The following NKD2 variants were observed in gnomAD, a reference collection of about 807,000 sequenced individuals.
NKD2 encodes the protein protein naked cuticle homolog 2.
Under a neutral mutation model 34.8 loss-of-function variants are expected in NKD2, and 43 were observed. The observed-to-expected ratio is 1.24, with a 90% CI of 0.97 to 1.60. NKD2 has a LOEUF of 1.60. Among genes scored for constraint, NKD2 ranks in the 40% most tolerant of loss-of-function variants. NKD2 has a pLI of 0.00. For missense variants in NKD2, 675 were observed against 627.1 expected, an observed-to-expected ratio of 1.08 and a Z score of -0.82; for synonymous variants, 278 against 265.1, an observed-to-expected ratio of 1.05 and a Z score of -0.47.
Position 1,034,824 on chromosome 5 carries a change from C to G in NKD2, c.495C>G (p.Ser165Arg). 1 of 1,612,836 alleles carries G rather than the reference C, an allele frequency of 6.2e-7. No individual in the cohort carries two copies. Among genetic ancestry groups the G allele is most frequent in the Non-Finnish European group, 8.5e-7 (1 of 1,179,944 alleles). The change falls in exon 7 of 10, where the codon AGC becomes AGG. Residue 165 changes from serine (S) to arginine (R), a missense_variant. Physicochemically the swap from Ser to Arg is moderately radical, Grantham distance 110 (BLOSUM62 -1). Transcript: ENST00000296849. ...CCTCGGTCAACCACTCCTCGGGCAGCAGCAAGACCCTCCGTGTGAAGCTAA... is the reference window on the plus strand; with the variant it reads ...CCTCGGTCAACCACTCCTCGGGCAGGAGCAAGACCCTCCGTGTGAAGCTAA... ...VDASVNHSSG[S>R]SKTLRVKLTV... is the part of the protein sequence containing the mutation.
chr5:1,019,480 C>T (rs1443554683), intron 3 of NKD2, among the ~76,000 whole-genome samples: 5 of 152,228 alleles, frequency 3.3e-5, no homozygotes, highest in African/African-American at 9.7e-5. Flanking sequence ...ATAGCAAAGC[C>T]GCAGGTGGCC....
Position 1,038,397 on chromosome 5 carries a change from TCCCAGCACACCACAGC to T in NKD2, c.*27_*42del. On this transcript the variant is annotated 3_prime_UTR_variant, in exon 10 of 10. Transcript: ENST00000296849. This position sits in a 1 kb window ranked among gnomAD's most constrained non-coding sequence, Gnocchi z 4.5. The stretch of plus-strand genomic sequence containing the variant: ...AGCGCCACTGCCAAGCACACCTCGC[TCCCAGCACACCACAGC>T]CCGCGACCTCAGGGCAGGGAGCAGA... 1.3e-6 allele frequency: 2 copies of T among 1,534,858 alleles called. No individual in the cohort carries two copies. Among genetic ancestry groups the T allele is most frequent in the Non-Finnish European group, 1.7e-6 (2 of 1,146,646 alleles).
In NKD2 at chr5:1,009,616, G is replaced by T; in HGVS notation, c.141+56G>T. Reference sequence around the variant, plus strand: ...CTGCGCACCCGCCCGGGGGCGGGGAGCGGTGTCAGAGCTGTTCCTGGTGCC... The same window carrying T: ...CTGCGCACCCGCCCGGGGGCGGGGATCGGTGTCAGAGCTGTTCCTGGTGCC... On this transcript the variant is annotated intron_variant, in intron 3 of 9. Transcript: ENST00000296849. This position sits in a 1 kb window ranked among gnomAD's most constrained non-coding sequence, Gnocchi z 6.9. 7.4e-7 allele frequency: 1 copy of T among 1,355,256 alleles called. No homozygotes were observed. The allele number at this position is 1,355,256 out of a possible 1,614,324, so 84.0% of individuals were successfully genotyped here.
intron 3 of NKD2, among the ~76,000 whole-genome samples, chr5:1,028,687 C>T (rs997146897): frequency 6.6e-6 from 1 of 152,008 alleles, no homozygotes; most frequent in Non-Finnish European, 1.5e-5. Flanking sequence ...GGCGCCTAGG[C>T]ACCCCAAACC....
At chr5:1,030,355 T>C (rs1235781791) in intron 3 of NKD2, among the ~76,000 whole-genome samples, 1 of 152,112 alleles carries the variant, frequency 6.6e-6, no homozygotes, top group East Asian at 1.9e-4. Context: ...GCTGCCCTTA[T>C]GACACCATTT....
rs541373798 is a variant in NKD2, at chr5:1,016,372, C to T, written c.141+6812C>T. On this transcript the variant is annotated intron_variant, in intron 3 of 9. Coordinates refer to ENST00000296849, the MANE Select transcript of NKD2 (RefSeq NM_033120.4). ...TGAAACAAATTGGGTCTGTTCGATC[C>T]TGTCCTGCGCAGAGCTGGAATTCAC... Among the ~76,000 whole-genome samples the T allele has an allele frequency of 4.6e-5, 7 of 152,382 alleles. No homozygotes were observed. In the South Asian group the frequency reaches 1.5e-3, roughly 32 times the overall value.
chr5:1,013,300 C>T (rs900662897), intron 3 of NKD2, among the ~76,000 whole-genome samples: 33 of 152,200 alleles, frequency 2.2e-4, no homozygotes, highest in Non-Finnish European at 2.9e-5. Context: ...GTGTCAGAGC[C>T]GGCGGCAGCT....
At chr5:1,036,008 C>G (rs1733897847) in intron 8 of NKD2, 1 of 795,400 alleles carries the variant, frequency 1.3e-6, no homozygotes, top group Admixed American at 3.8e-5. Flanking sequence ...GAGCCACTCC[C>G]TAGAGCACCT....
In NKD2 at chr5:1,009,466, G is replaced by A. The variant is rs1560980006; in HGVS notation, c.62-15G>A. On this transcript the variant is annotated splice_polypyrimidine_tract_variant and intron_variant, in intron 2 of 9. Coordinates refer to ENST00000296849, the MANE Select transcript of NKD2 (RefSeq NM_033120.4). This position sits in a 1 kb window ranked among gnomAD's most constrained non-coding sequence, Gnocchi z 6.9. ...CTCGGTGCGGGTTTCCCGCGCGTCC[G>A]CCCCCGGACCGCAGGGGACAGCTTC... 2 of 1,491,318 alleles carry A rather than the reference G, an allele frequency of 1.3e-6. No homozygotes were observed. Among genetic ancestry groups the A allele is most frequent in the Admixed American group, 2.2e-5 (1 of 45,598 alleles). 92.4% of individuals were successfully genotyped at this position (1,491,318 alleles called of 1,614,324 possible). A position where few individuals can be genotyped will look rare whatever the true frequency, so the allele number is the denominator to read the frequency against.
chr5:1,037,767 G>A (rs1734066910), intron 9 of NKD2, 38 bp from the exon 10 acceptor site: 6 of 1,563,268 alleles, frequency 3.8e-6, no homozygotes, highest in Non-Finnish European at 5.2e-6. Context: ...ACCTGAGCCT[G>A]CACTCCCAGG....
intron 6 of NKD2, 76 bp downstream of exon 6, chr5:1,034,406 A>G: frequency 8.1e-7 from 1 of 1,232,012 alleles, no homozygotes. Context: ...GCCTCGCGAT[A>G]CCTCAGGGGG....
At chr5:1,022,704 G>T (rs1270189977) in intron 3 of NKD2, among the ~76,000 whole-genome samples, 1 of 5,122 alleles carries the variant, frequency 2.0e-4, no homozygotes, top group African/African-American at 2.0e-4. Flanking sequence ...CTTCCCACCC[G>T]CTAGTGGGTG....
At chr5:1,037,646 C>T (rs1734058919) in intron 9 of NKD2, 159 bp from the exon 10 acceptor site, 1 of 1,536,042 alleles carries the variant, frequency 6.5e-7, no homozygotes. Context: ...GGCCCCTTCC[C>T]TTCAGGGCTG....
chr5:1,012,414 C>T (rs940867562), intron 3 of NKD2, among the ~76,000 whole-genome samples: 9 of 152,244 alleles, frequency 5.9e-5, no homozygotes, highest in Non-Finnish European at 5.9e-5. Context: ...CTGAGTGGCC[C>T]GTCTAGGGCA....
intron 4 of NKD2, among the ~76,000 whole-genome samples, chr5:1,032,646 A>C (rs1419423779): frequency 2.6e-5 from 4 of 152,200 alleles, no homozygotes; most frequent in African/African-American, 9.7e-5. Context: ...GCAGGTCAGC[A>C]CTTGGCTTAC....
chr5:1,030,769 C>A (rs576325900), intron 3 of NKD2, among the ~76,000 whole-genome samples: 5 of 152,278 alleles, frequency 3.3e-5, no homozygotes, highest in Admixed American at 2.0e-4. Context: ...TAATAATCAG[C>A]TGTTTTGTTT....
In NKD2 at chr5:1,034,215, G is replaced by GCCCCCACGTC. The variant is rs746126725; in HGVS notation, c.331-12_331-3dup. On this transcript the variant is annotated intron_variant, in intron 5 of 9. Transcript: ENST00000296849. ...GGCGTGGGTAGGAGGCGAGGTCCCG[G>GCCCCCACGTC]CCCCCACGTCCCCCCACAGGCACTC... 1 of 1,595,918 alleles carries GCCCCCACGTC rather than the reference G, an allele frequency of 6.3e-7. No homozygotes were observed. The highest frequency in any genetic ancestry group is 8.6e-7 in the Non-Finnish European group (1 of 1,168,708).
intron 9 of NKD2, among the ~76,000 whole-genome samples, chr5:1,037,179 C>T (rs1317916309): frequency 6.6e-6 from 1 of 152,144 alleles, no homozygotes; most frequent in African/African-American, 2.4e-5. Context: ...CTAGCAGCAC[C>T]CCTATGTGGC....
At position 1,033,419 on chromosome 5, in the gene NKD2, C is replaced by T. The variant is rs1298623956; in HGVS notation, c.250C>T (p.Leu84Phe). The change falls in exon 5 of 10, where the codon CTC becomes TTC. Residue 84 changes from leucine to phenylalanine, a missense_variant. Leu to Phe is a conservative substitution (Grantham distance 22, BLOSUM62 0). Coordinates refer to ENST00000296849, the MANE Select transcript of NKD2 (RefSeq NM_033120.4). The part of the protein sequence containing the change: ...KAEGREHPGQ[L>F]LSADDGERAA... ...TGAGGGCCGCGAGCACCCGGGACAACTCCTCAGCGCAGATGACGGAGAGAG... is the reference window on the plus strand; with the variant it reads ...TGAGGGCCGCGAGCACCCGGGACAATTCCTCAGCGCAGATGACGGAGAGAG... 1 of 1,592,322 alleles carries T rather than the reference C, an allele frequency of 6.3e-7. No individual in the cohort carries two copies. The highest frequency in any genetic ancestry group is 8.5e-7 in the Non-Finnish European group (1 of 1,170,140).
Sources: gnomAD v4.1 joint callset for allele counts (sites outside exome capture counted in the v4.1 genomes callset) on GRCh38, gnomAD v4.1.1 for gene constraint, Gnocchi (gnomAD v3.1) non-coding constraint, MANE v1.5 for transcripts, NCBI Gene and HGNC (gene_info 2026-07-23, HGNC 2026-07-21) for gene names.